Variants in SH3GLB1 observed in about 807,000 individuals in gnomAD.
SH3GLB1 encodes the protein endophilin-B1.
A neutral mutation model predicts 42.0 loss-of-function variants in SH3GLB1; 17 were observed. The observed-to-expected ratio is 0.40, with a 90% CI of 0.28 to 0.61. The LOEUF (loss-of-function observed/expected upper bound fraction) is 0.61, where lower values mean the gene tolerates loss of function less well. SH3GLB1 is among the 20% of genes least tolerant of loss of function. The probability of loss-of-function intolerance (pLI) is 0.36; values close to 1 mark genes in which losing one functional copy is unlikely to be tolerated. For missense variants in SH3GLB1, 355 were observed against 426.3 expected, an observed-to-expected ratio of 0.83 and a Z score of 1.47; for synonymous variants, 132 against 146.6, an observed-to-expected ratio of 0.90 and a Z score of 0.72.
intron 2 of SH3GLB1, among the ~76,000 whole-genome samples, chr1:86,718,496 A>C (rs568325309): frequency 9.8e-5 from 15 of 152,350 alleles, no homozygotes; most frequent in African/African-American, 3.6e-4. Flanking sequence ...TATCATTGCT[A>C]TACTCTATTT....
chr1:86,738,074 C>G (rs263480), intron 7 of SH3GLB1, among the ~76,000 whole-genome samples: 13,419 of 152,140 alleles, frequency 0.088, 854 homozygotes, highest in East Asian at 0.16. Context: ...ATCATTCTGG[C>G]TGCCACGTTG....
In SH3GLB1 at chr1:86,747,314, T is replaced by G. The variant is rs1009104669; in HGVS notation, c.*4079T>G. 1 of 152,628 alleles carries G rather than the reference T, an allele frequency of 6.6e-6. No homozygotes were observed. The highest frequency in any genetic ancestry group is 2.4e-5 in the African/African-American group (1 of 41,454). The allele number at this position is 152,628 out of a possible 1,614,324, so 9.5% of individuals were successfully genotyped here. A position where few individuals can be genotyped will look rare whatever the true frequency, so the allele number is the denominator to read the frequency against. Reference sequence around the variant, plus strand: ...GAAAAATGCAAATTTATAAGCCTTTTCAGAGACCTACTGAATCAAACTCTG... The same window carrying G: ...GAAAAATGCAAATTTATAAGCCTTTGCAGAGACCTACTGAATCAAACTCTG... On this transcript the variant is annotated 3_prime_UTR_variant, in exon 9 of 9. Coordinates refer to ENST00000370558, the MANE Select transcript of SH3GLB1 (RefSeq NM_016009.5).
intron 5 of SH3GLB1, 152 bp downstream of exon 5, chr1:86,724,557 T>C: frequency 1.6e-6 from 1 of 641,712 alleles, no homozygotes; most frequent in Non-Finnish European, 2.7e-6. Flanking sequence ...TCCAAATCAC[T>C]GCAAAGTAGT....
intron 1 of SH3GLB1, among the ~76,000 whole-genome samples, chr1:86,714,082 G>A (rs970722045): frequency 3.3e-5 from 5 of 152,102 alleles, no homozygotes; most frequent in Non-Finnish European, 5.9e-5. Flanking sequence ...ATTTTTAAGG[G>A]GCTAAGTGAA....
Position 86,722,686 on chromosome 1 carries a change from AT to A in SH3GLB1, c.477+14del, listed in dbSNP as rs1257215418. Reference sequence around the variant, plus strand: ...CAAAACAATTGCTGTGAGTTGAAAAATGTCCCCTTTATTTAGTAAAATCATT... The same window carrying A: ...CAAAACAATTGCTGTGAGTTGAAAAAGTCCCCTTTATTTAGTAAAATCATT... On this transcript the variant is annotated intron_variant, in intron 4 of 8. Coordinates refer to ENST00000370558, the MANE Select transcript of SH3GLB1 (RefSeq NM_016009.5). 1 of 1,582,816 alleles carries A rather than the reference AT, an allele frequency of 6.3e-7. No individual in the cohort carries two copies. The highest frequency in any genetic ancestry group is 1.9e-5 in the Admixed American group (1 of 53,394).
At position 86,747,994 on chromosome 1, in the gene SH3GLB1, T is replaced by C. The variant is rs371895650; in HGVS notation, c.*4759T>C. On this transcript the variant is annotated 3_prime_UTR_variant, in exon 9 of 9. Coordinates refer to ENST00000370558, the MANE Select transcript of SH3GLB1 (RefSeq NM_016009.5). ...TCTGTGCATTTATAGATATTTTTAA[T>C]GGGATCAAAGTGTACATACTGTTTT... is the stretch of plus-strand genomic sequence containing the variant. 2 of 152,188 alleles carry C rather than the reference T, an allele frequency of 1.3e-5. No homozygotes were observed. Among genetic ancestry groups the C allele is most frequent in the Admixed American group, 6.5e-5 (1 of 15,280 alleles). The allele number at this position is 152,188 out of a possible 1,614,324, so 9.4% of individuals were successfully genotyped here. A position where few individuals can be genotyped will look rare whatever the true frequency, so the allele number is the denominator to read the frequency against.
At chr1:86,736,717 G>C (rs1045686639) in intron 7 of SH3GLB1, among the ~76,000 whole-genome samples, 6 of 152,152 alleles carry the variant, frequency 3.9e-5, no homozygotes, top group Non-Finnish European at 7.4e-5. Context: ...ATAAGCTCCA[G>C]CAATACAAAG....
intron 1 of SH3GLB1, among the ~76,000 whole-genome samples, chr1:86,713,407 T>G (rs1654327047): frequency 6.6e-6 from 1 of 152,126 alleles, no homozygotes; most frequent in Admixed American, 6.5e-5. Context: ...GAATTATTGA[T>G]CTGTTGATTT....
intron 1 of SH3GLB1, among the ~76,000 whole-genome samples, chr1:86,705,353 C>G (rs1221514412): frequency 6.6e-6 from 1 of 152,202 alleles, no homozygotes. Context: ...CATTCTTGCA[C>G]TACCCCCCAC....
At chr1:86,729,300 C>T (rs544496449) in intron 5 of SH3GLB1, among the ~76,000 whole-genome samples, 169 of 152,168 alleles carry the variant, frequency 1.1e-3, no homozygotes, top group African/African-American at 4.0e-3. Context: ...CTTTCATTCA[C>T]TAGCATTAAA....
At chr1:86,739,735 T>C (rs1020112214) in intron 7 of SH3GLB1, among the ~76,000 whole-genome samples, 4 of 151,962 alleles carry the variant, frequency 2.6e-5, no homozygotes, top group African/African-American at 9.7e-5. Context: ...GGAGAAAATA[T>C]GATAATGTGG....
intron 5 of SH3GLB1, among the ~76,000 whole-genome samples, chr1:86,731,739 G>T (rs1570283320): frequency 6.6e-6 from 1 of 152,080 alleles, no homozygotes; most frequent in Admixed American, 6.5e-5. Flanking sequence ...TGGATTTCAG[G>T]GGTTTTTTTC....
At chr1:86,722,179 T>C (rs1654902506) in intron 3 of SH3GLB1, among the ~76,000 whole-genome samples, 1 of 149,010 alleles carries the variant, frequency 6.7e-6, no homozygotes. Context: ...TTTTTTTTTT[T>C]CTGAATGTTT....
chr1:86,742,234 A>G lies in SH3GLB1; in HGVS notation c.788A>G (p.Asn263Ser). Residue 263 changes from asparagine to serine, a missense_variant, in exon 8 of 9, where the codon AAC becomes AGC. Asn to Ser is a conservative substitution (Grantham distance 46). Transcript: ENST00000370558. The part of the protein sequence containing the change: ...GSFPSNYLSN[N>S]NQTSVTPVPS... The stretch of plus-strand genomic sequence containing the variant: ...TTTCCATCCAATTATCTTAGTAACA[A>G]CAATCAGACTTCTGTGACACCTGTA... 6.2e-7 allele frequency: 1 copy of G among 1,614,082 alleles called. No individual in the cohort carries two copies. The highest frequency in any genetic ancestry group is 1.1e-5 in the South Asian group (1 of 91,082).
At chr1:86,705,531 C>T (rs1298669636) in intron 1 of SH3GLB1, among the ~76,000 whole-genome samples, 1 of 152,190 alleles carries the variant, frequency 6.6e-6, no homozygotes, top group Admixed American at 6.5e-5. Context: ...CGCCAGTTGG[C>T]GTTGAGACTT....
chr1:86,742,986 C>A (rs1381409932), intron 8 of SH3GLB1, 142 bp from the exon 9 acceptor site: 12 of 667,228 alleles, frequency 1.8e-5, no homozygotes, highest in African/African-American at 3.7e-5. Flanking sequence ...ATAAATAAAT[C>A]CTTTGTTTTT....
At position 86,744,310 on chromosome 1, in the gene SH3GLB1, C is replaced by G. The variant is rs556778238; in HGVS notation, c.*1075C>G. 1.3e-5 allele frequency: 2 copies of G among 152,118 alleles called. No individual in the cohort carries two copies. Among genetic ancestry groups the G allele is most frequent in the African/African-American group, 4.8e-5 (2 of 41,420 alleles). 9.4% of individuals were successfully genotyped at this position (152,118 alleles called of 1,614,324 possible). A position where few individuals can be genotyped will look rare whatever the true frequency, so the allele number is the denominator to read the frequency against. ...CCATGTTAAGACTTCTGTTCTAATT[C>G]ATTCATTCAACAAACATTTGTTGAG... On this transcript the variant is annotated 3_prime_UTR_variant, in exon 9 of 9. Transcript: ENST00000370558.
chr1:86,736,384 A>G (rs756134369), intron 7 of SH3GLB1, among the ~76,000 whole-genome samples: 1 of 152,226 alleles, frequency 6.6e-6, no homozygotes, highest in African/African-American at 2.4e-5. Context: ...GAGCACGTCC[A>G]TGAAACCAAT....
chr1:86,722,745 C>T, intron 4 of SH3GLB1, 72 bp downstream of exon 4: 2 of 1,290,462 alleles, frequency 1.5e-6, no homozygotes, highest in Non-Finnish European at 2.1e-6. Context: ...AATAATTTGG[C>T]CTCTTAATGA....
Sources: gnomAD v4.1 joint callset for allele counts (sites outside exome capture counted in the v4.1 genomes callset) on GRCh38, gnomAD v4.1.1 for gene constraint, MANE v1.5 for transcripts, NCBI Gene and HGNC (gene_info 2026-07-23, HGNC 2026-07-21) for gene names.